Variants in SH3RF1 observed in about 807,000 individuals in gnomAD.
SH3RF1 encodes SH3 domain containing ring finger 1.
In SH3RF1, 32 loss-of-function variants were observed where a neutral mutation model predicts 74.0. The observed-to-expected ratio is 0.43, with a 90% CI of 0.33 to 0.58. The LOEUF (loss-of-function observed/expected upper bound fraction) is 0.58, where lower values mean the gene tolerates loss of function less well. Ranked by LOEUF, SH3RF1 falls within the 20% of genes least tolerant of loss-of-function variation. SH3RF1 has a pLI of 0.05. For missense variants in SH3RF1, 954 were observed against 1,130.9 expected, an observed-to-expected ratio of 0.84 and a Z score of 2.24; for synonymous variants, 396 against 439.6, an observed-to-expected ratio of 0.90 and a Z score of 1.24.
At chr4:169,204,781 C>G (rs962410832) in intron 2 of SH3RF1, among the ~76,000 whole-genome samples, 2 of 152,084 alleles carry the variant, frequency 1.3e-5, no homozygotes, top group Non-Finnish European at 2.9e-5. Context: ...GATCTCCTGA[C>G]CTCGTGATCC....
rs544209507 is a variant in SH3RF1 at position 169,204,333 on chromosome 4, T to C, written c.394-47654A>G. Among the ~76,000 whole-genome samples, 6 of 152,282 alleles carry C rather than the reference T, an allele frequency of 3.9e-5. No individual in the cohort carries two copies. The South Asian group carries it at 1.2e-3, about 32-fold the overall frequency. On this transcript the variant is annotated intron_variant, in intron 2 of 11. Transcript: ENST00000284637. Reference sequence around the variant, plus strand: ...AGCACCTCATTTCATTCAATCATCCTATTCTCTGTCAAAGGTTTTATCTCC... The same window carrying C: ...AGCACCTCATTTCATTCAATCATCCCATTCTCTGTCAAAGGTTTTATCTCC...
At chr4:169,255,807 G>T (rs569210704) in intron 2 of SH3RF1, among the ~76,000 whole-genome samples, 1 of 150,614 alleles carries the variant, frequency 6.6e-6, no homozygotes, top group Admixed American at 6.6e-5. Flanking sequence ...TCGTTCTGTT[G>T]CCCAGGCTAG....
At chr4:169,136,226 A>G (rs748459340) in intron 5 of SH3RF1, 92 bp downstream of exon 5, 90 of 1,261,216 alleles carry the variant, frequency 7.1e-5, no homozygotes, top group Non-Finnish European at 9.1e-5. Flanking sequence ...GTTCAAAATA[A>G]GCAATGTTTG....
intron 2 of SH3RF1, among the ~76,000 whole-genome samples, chr4:169,174,342 C>T (rs74671905): frequency 0.014 from 2,065 of 152,258 alleles, 33 homozygotes; most frequent in African/African-American, 0.046. Flanking sequence ...GGATTATTGG[C>T]GTGAGCCATC....
At chr4:169,151,432 T>C (rs7670734) in intron 4 of SH3RF1, among the ~76,000 whole-genome samples, 5 of 152,032 alleles carry the variant, frequency 3.3e-5, no homozygotes, top group Admixed American at 1.3e-4. Flanking sequence ...GCCAGGCCCA[T>C]AGTCACTTAG....
chr4:169,101,482 T>C (rs1733031347), intron 11 of SH3RF1, among the ~76,000 whole-genome samples: 1 of 152,076 alleles, frequency 6.6e-6, no homozygotes, highest in African/African-American at 2.4e-5. Flanking sequence ...TAGTGCTTAA[T>C]GAGTACAGAT....
chr4:169,225,058 T>C (rs2127003959), intron 2 of SH3RF1, among the ~76,000 whole-genome samples: 1 of 152,270 alleles, frequency 6.6e-6, no homozygotes, highest in East Asian at 1.9e-4. Context: ...AATTACCACA[T>C]GCCTGGGAGT....
intron 2 of SH3RF1, among the ~76,000 whole-genome samples, chr4:169,258,584 T>C (rs1480403213): frequency 1.3e-5 from 2 of 152,082 alleles, no homozygotes; most frequent in Non-Finnish European, 2.9e-5. Context: ...AAAAAAAGCA[T>C]ATGAAATGCT....
At chr4:169,172,243 A>T (rs1470140222) in intron 2 of SH3RF1, among the ~76,000 whole-genome samples, 3 of 152,344 alleles carry the variant, frequency 2.0e-5, no homozygotes, top group African/African-American at 7.2e-5. Context: ...GGGAATACAG[A>T]ATGAGTAGTA....
intron 4 of SH3RF1, among the ~76,000 whole-genome samples, chr4:169,146,011 T>G (rs1185731174): frequency 7.1e-6 from 1 of 140,314 alleles, no homozygotes; most frequent in Non-Finnish European, 1.5e-5. Flanking sequence ...ATTCTATATA[T>G]TCTATATAAA....
At chr4:169,145,340 T>C (rs1161782350) in intron 4 of SH3RF1, among the ~76,000 whole-genome samples, 1 of 151,786 alleles carries the variant, frequency 6.6e-6, no homozygotes, top group African/African-American at 2.4e-5. Context: ...AAACAGAAAA[T>C]CAAATACTGC....
chr4:169,172,213 A>G (rs555279215), intron 2 of SH3RF1, among the ~76,000 whole-genome samples: 1 of 152,388 alleles, frequency 6.6e-6, no homozygotes, highest in East Asian at 1.9e-4. Context: ...CGACCAGCTC[A>G]GTTGCTTGCT....
At chr4:169,101,874 T>A (rs942872297) in intron 11 of SH3RF1, among the ~76,000 whole-genome samples, 1 of 152,056 alleles carries the variant, frequency 6.6e-6, no homozygotes, top group Non-Finnish European at 1.5e-5. Context: ...ACTGCCAAGG[T>A]ACAATTCAAG....
chr4:169,135,811 G>A (rs1307139272), intron 5 of SH3RF1, among the ~76,000 whole-genome samples: 1 of 152,182 alleles, frequency 6.6e-6, no homozygotes, highest in Non-Finnish European at 1.5e-5. Flanking sequence ...CTTAGAAAGT[G>A]TGAGGTCAAT....
chr4:169,106,600 C>T (rs753340482), intron 11 of SH3RF1, among the ~76,000 whole-genome samples: 3 of 151,660 alleles, frequency 2.0e-5, no homozygotes, highest in South Asian at 2.1e-4. Flanking sequence ...ACAATTCAGG[C>T]GTGGCAGAGT....
At position 169,136,314 on chromosome 4, in the gene SH3RF1, T is replaced by C; in HGVS notation, c.1068+4A>G. 1 of 1,416,626 alleles carries C rather than the reference T, an allele frequency of 7.1e-7. No homozygotes were observed. Among genetic ancestry groups the C allele is most frequent in the Non-Finnish European group, 9.3e-7 (1 of 1,078,062 alleles). The allele number at this position is 1,416,626 out of a possible 1,614,324, so 87.8% of individuals were successfully genotyped here. The stretch of plus-strand genomic sequence containing the variant: ...TTTTATATAACACTTGTTTGAGGAT[T>C]TACCTGAGAAGGGGCACTGCAGGAG... On this transcript the variant is annotated splice_donor_region_variant and intron_variant, in intron 5 of 11. Coordinates refer to ENST00000284637, the MANE Select transcript of SH3RF1 (RefSeq NM_020870.4).
At chr4:169,173,999 T>TTA (rs35680762) in intron 2 of SH3RF1, among the ~76,000 whole-genome samples, 78,204 of 149,032 alleles carry the variant, frequency 0.52, 21,343 homozygotes, top group East Asian at 0.89. Context: ...ATTTCCTGAG[T>TTA]TATATATATA....
chr4:169,179,119 G>A (rs1337537804), intron 2 of SH3RF1, among the ~76,000 whole-genome samples: 1 of 152,116 alleles, frequency 6.6e-6, no homozygotes, highest in Non-Finnish European at 1.5e-5. Context: ...TATCCAGGTG[G>A]GCTTACTGTA....
intron 4 of SH3RF1, among the ~76,000 whole-genome samples, chr4:169,146,908 G>T (rs1001272138): frequency 7.9e-5 from 12 of 152,106 alleles, no homozygotes; most frequent in African/African-American, 2.7e-4. Flanking sequence ...GAGGATGAAA[G>T]GCCTAGGCAG....
Sources: gnomAD v4.1 joint callset for allele counts (sites outside exome capture counted in the v4.1 genomes callset) on GRCh38, gnomAD v4.1.1 for gene constraint, MANE v1.5 for transcripts, NCBI Gene and HGNC (gene_info 2026-07-23, HGNC 2026-07-21) for gene names.